Variants in PUS7 observed in about 807,000 individuals in gnomAD.
The protein encoded by PUS7 is pseudouridylate synthase 7 homolog.
A neutral mutation model predicts 79.8 loss-of-function variants in PUS7; 48 were observed. The ratio of observed to expected loss-of-function variants is 0.60; its 90% CI spans 0.48 to 0.76. PUS7 has a LOEUF of 0.76. Among genes scored for constraint, PUS7 ranks in the 30% least tolerant of loss-of-function variants. The pLI is 0.00. For synonymous variants in PUS7, 286 were observed against 272.2 expected, an observed-to-expected ratio of 1.05 and a Z score of -0.50; for missense variants, 729 against 797.6, an observed-to-expected ratio of 0.91 and a Z score of 1.04.
At chr7:105,485,993 G>A (rs1021155044) in intron 7 of PUS7, among the ~76,000 whole-genome samples, 1 of 151,804 alleles carries the variant, frequency 6.6e-6, no homozygotes, top group Non-Finnish European at 1.5e-5. Flanking sequence ...GATTACCGGC[G>A]TGAGCCACTG....
chr7:105,504,136 C>CTTTTTTTTTATTTT (rs1586165458), intron 4 of PUS7, among the ~76,000 whole-genome samples: 1 of 147,728 alleles, frequency 6.8e-6, no homozygotes, highest in African/African-American at 2.5e-5. Flanking sequence ...ATGGCACGAT[C>CTTTTTTTTTATTTT]TCGGCTCACT....
intron 8 of PUS7, 107 bp downstream of exon 8, chr7:105,482,198 CACTCCTG>C: frequency 2.4e-6 from 3 of 1,262,190 alleles, no homozygotes; most frequent in South Asian, 2.9e-5. Context: ...CCCTTGCTGC[CACTCCTG>C]TTCTGTTAGT....
chr7:105,515,780 A>ATTTTC (rs1825867545), intron 1 of PUS7, among the ~76,000 whole-genome samples: 2 of 135,628 alleles, frequency 1.5e-5, no homozygotes, highest in Non-Finnish European at 3.1e-5. Context: ...TAAGTTTTGT[A>ATTTTC]TTTTATTTTA....
At chr7:105,476,115 C>G (rs982892074) in intron 9 of PUS7, among the ~76,000 whole-genome samples, 2 of 131,498 alleles carry the variant, frequency 1.5e-5, no homozygotes, top group East Asian at 4.3e-4. Context: ...CAGAGCAAGA[C>G]TCCGTCTCAA....
rs142065701 is a variant in PUS7 at position 105,502,512 on chromosome 7, G to C, written c.638C>G (p.Ser213Cys). The change falls in exon 5 of 16, where the codon TCT becomes TGT. Residue 213 changes from serine (S) to cysteine (C), a missense_variant. Transcript: ENST00000469408. ...KRTIIHQAIK[S>C]LFPGLETKTE... ...TTTTGTCTCTAATCCTGGAAACAGA[G>C]ATTTGATAGCCTGATGGATGATGGT... The C allele has an allele frequency of 1.7e-5, 28 of 1,613,864 alleles. No individual in the cohort carries two copies. Among genetic ancestry groups the C allele is most frequent in the Non-Finnish European group, 2.4e-5 (28 of 1,179,982 alleles).
intron 7 of PUS7, among the ~76,000 whole-genome samples, chr7:105,483,804 GT>G (rs1306062492): frequency 2.6e-5 from 4 of 152,078 alleles, no homozygotes; most frequent in African/African-American, 9.7e-5. Flanking sequence ...CCATCTTTTT[GT>G]TTTTTAGGCT....
chr7:105,513,649 A>T (rs1343544342), intron 1 of PUS7, among the ~76,000 whole-genome samples: 1 of 150,156 alleles, frequency 6.7e-6, no homozygotes, highest in Non-Finnish European at 1.5e-5. Flanking sequence ...CAACCTGGCT[A>T]ACATGGTGAA....
At chr7:105,497,354 T>C (rs1400418612) in intron 5 of PUS7, among the ~76,000 whole-genome samples, 2 of 152,220 alleles carry the variant, frequency 1.3e-5, no homozygotes, top group African/African-American at 4.8e-5. Flanking sequence ...CAAAATGCTA[T>C]TTGTGATTAT....
At position 105,457,684 on chromosome 7, in the gene PUS7, A is replaced by G; in HGVS notation, c.*106T>C. On this transcript the variant is annotated 3_prime_UTR_variant, in exon 16 of 16. Coordinates refer to ENST00000469408, the MANE Select transcript of PUS7 (RefSeq NM_019042.5). ...CTTAAAAATACAAATAATTTTTATTACAAAGATTTGAAATCCATATATGAG... is the reference window on the plus strand; with the variant it reads ...CTTAAAAATACAAATAATTTTTATTGCAAAGATTTGAAATCCATATATGAG... The G allele has an allele frequency of 9.2e-7, 1 of 1,089,490 alleles. No homozygotes were observed. The highest frequency in any genetic ancestry group is 1.3e-6 in the Non-Finnish European group (1 of 789,722). 67.5% of individuals were successfully genotyped at this position (1,089,490 alleles called of 1,614,324 possible). A position where few individuals can be genotyped will look rare whatever the true frequency, so the allele number is the denominator to read the frequency against.
chr7:105,460,629 C>T (rs944842823), intron 14 of PUS7, among the ~76,000 whole-genome samples: 2 of 151,606 alleles, frequency 1.3e-5, no homozygotes, highest in East Asian at 2.0e-4. Flanking sequence ...CCGAGGCGGG[C>T]GGATCACGAG....
chr7:105,494,645 T>A (rs975899978), intron 6 of PUS7, among the ~76,000 whole-genome samples: 2 of 151,970 alleles, frequency 1.3e-5, no homozygotes, highest in African/African-American at 2.4e-5. Flanking sequence ...CTTGACCTCG[T>A]GATCTGCCTT....
chr7:105,467,401 T>C (rs993960090), intron 12 of PUS7, among the ~76,000 whole-genome samples: 6 of 151,894 alleles, frequency 4.0e-5, no homozygotes, highest in South Asian at 2.1e-4. Context: ...GCCATTCTCC[T>C]GCCTCAGCTT....
intron 14 of PUS7, among the ~76,000 whole-genome samples, chr7:105,461,753 AG>A (rs771881839): frequency 6.6e-6 from 1 of 152,224 alleles, no homozygotes; most frequent in Non-Finnish European, 1.5e-5. Context: ...CAGATGGTAT[AG>A]CCTACTACAC....
intron 7 of PUS7, among the ~76,000 whole-genome samples, chr7:105,488,764 A>C (rs1449859755): frequency 1.3e-5 from 2 of 152,222 alleles, no homozygotes; most frequent in African/African-American, 4.8e-5. Context: ...AAAGTCCCTC[A>C]AAAAATATAT....
intron 14 of PUS7, among the ~76,000 whole-genome samples, chr7:105,461,350 A>C (rs1823419494): frequency 6.6e-6 from 1 of 152,174 alleles, no homozygotes; most frequent in Non-Finnish European, 1.5e-5. Flanking sequence ...AAATGAACTC[A>C]CTTCCCATAA....
chr7:105,508,561 G>T lies in PUS7; in HGVS notation c.-32-17C>A. 1 of 1,574,404 alleles carries T rather than the reference G, an allele frequency of 6.4e-7. No individual in the cohort carries two copies. Among genetic ancestry groups the T allele is most frequent in the South Asian group, 1.2e-5 (1 of 83,024 alleles). ...TAAGAAAACCTGTTAGGAAAGAGTA[G>T]AAAGTAACAATCACCTATATAAAAG... On this transcript the variant is annotated splice_polypyrimidine_tract_variant and intron_variant, in intron 1 of 15. Transcript: ENST00000469408.
Position 105,463,429 on chromosome 7 carries a change from A to T in PUS7, c.1628-679T>A, listed in dbSNP as rs1823514283. On this transcript the variant is annotated intron_variant, in intron 13 of 15. Transcript: ENST00000469408. ...CAGCCATATCTTCTCTAGACCAAACAATGCTTCCCTTAGCTGTCCCTCCTT... is the reference window on the plus strand; with the variant it reads ...CAGCCATATCTTCTCTAGACCAAACTATGCTTCCCTTAGCTGTCCCTCCTT... Among the ~76,000 whole-genome samples, 3 of 152,242 alleles carry T rather than the reference A, an allele frequency of 2.0e-5. No individual in the cohort carries two copies. The South Asian group carries it at 6.2e-4, about 32-fold the overall frequency.
At chr7:105,513,060 C>T (rs1390284253) in intron 1 of PUS7, among the ~76,000 whole-genome samples, 1 of 152,122 alleles carries the variant, frequency 6.6e-6, no homozygotes, top group Admixed American at 6.5e-5. Flanking sequence ...GAAGATGAGC[C>T]CACCCATAGT....
At chr7:105,494,546 A>G (rs1243829901) in intron 6 of PUS7, among the ~76,000 whole-genome samples, 3 of 151,672 alleles carry the variant, frequency 2.0e-5, no homozygotes. Flanking sequence ...AGCAGCTAAC[A>G]CTACAGGCAC....
Sources: gnomAD v4.1 joint callset for allele counts (sites outside exome capture counted in the v4.1 genomes callset) on GRCh38, gnomAD v4.1.1 for gene constraint, MANE v1.5 for transcripts, NCBI Gene and HGNC (gene_info 2026-07-23, HGNC 2026-07-21) for gene names.